UGT2A1: variants seen among roughly 807,000 people sequenced by gnomAD.
The protein encoded by UGT2A1 is UDP glucuronosyltransferase family 2 member A1 complex locus, also known as UDP-glucuronosyltransferase 2A1.
Under a neutral mutation model 45.4 loss-of-function variants are expected in UGT2A1, and 61 were observed. The ratio of observed to expected loss-of-function variants is 1.34; its 90% CI spans 1.09 to 1.66. The LOEUF is 1.66. Ranked by LOEUF, UGT2A1 falls within the 40% of genes most tolerant of loss-of-function variation. The pLI is 0.00. For missense variants in UGT2A1, 649 were observed against 574.3 expected (o/e 1.13, Z -1.33); for synonymous variants, 229 against 196.2 (o/e 1.17, Z -1.40).
intron 2 of UGT2A1, among the ~76,000 whole-genome samples, chr4:69,640,059 C>T (rs934773055): frequency 1.3e-5 from 2 of 151,878 alleles, no homozygotes; most frequent in Non-Finnish European, 2.9e-5. Flanking sequence ...TCCATAAAGC[C>T]AACTGATTGT....
chr4:69,627,510 AAAGAAAGAAAG>A (rs1721135356), intron 3 of UGT2A1, among the ~76,000 whole-genome samples: 1 of 149,140 alleles, frequency 6.7e-6, no homozygotes, highest in Non-Finnish European at 1.5e-5. Flanking sequence ...GAAGGAAGGA[AAAGAAAGAAAG>A]AAGAAAGAAA....
chr4:69,639,098 C>A lies in UGT2A1; in HGVS notation c.716-3276G>T. The A allele has an allele frequency of 6.2e-7, 1 of 1,613,386 alleles. No individual in the cohort carries two copies. Among genetic ancestry groups the A allele is most frequent in the Non-Finnish European group, 8.5e-7 (1 of 1,179,668 alleles). Reference sequence around the variant, plus strand: ...TCTCCACTGTTGATGCTGGAGAGAACCTCAATGTGTACATAAATGGAATTC... The same window carrying A: ...TCTCCACTGTTGATGCTGGAGAGAAACTCAATGTGTACATAAATGGAATTC... On this transcript the variant is annotated intron_variant, in intron 2 of 6. Coordinates refer to ENST00000286604, the MANE Select transcript of UGT2A1 (RefSeq NM_001252275.3).
chr4:69,648,170 T>G lies in UGT2A1; in HGVS notation c.-54-472A>C, dbSNP rs181330621. On this transcript the variant is annotated intron_variant, in intron 1 of 6. Transcript: ENST00000286604. ...CAATATATAAGATTGTCAAATAATA[T>G]GTATAAATATATTACTATAAATATT... Among the ~76,000 whole-genome samples, 276 of 150,090 alleles carry G rather than the reference T, an allele frequency of 1.8e-3. 1 individual carries two copies. The highest frequency in any genetic ancestry group is 6.4e-3 in the African/African-American group (264 of 41,194).
At chr4:69,596,272 G>T in intron 4 of UGT2A1, 1 of 1,604,642 alleles carries the variant, frequency 6.2e-7, no homozygotes. Flanking sequence ...CTGGGCAAGG[G>T]CTGAGGCAAT....
intron 3 of UGT2A1, among the ~76,000 whole-genome samples, chr4:69,609,005 TAA>T (rs1719858860): frequency 6.6e-6 from 1 of 152,026 alleles, no homozygotes; most frequent in African/African-American, 2.4e-5. Flanking sequence ...AGAAAAATTA[TAA>T]AGAGTATGAT....
At chr4:69,617,143 A>G (rs1025554194) in intron 3 of UGT2A1, among the ~76,000 whole-genome samples, 25 of 151,892 alleles carry the variant, frequency 1.6e-4, no homozygotes, top group African/African-American at 5.3e-4. Context: ...ACAATAAACT[A>G]TGTGTAAAAG....
intron 3 of UGT2A1, among the ~76,000 whole-genome samples, chr4:69,605,235 A>T (rs922760477): frequency 7.3e-6 from 1 of 137,018 alleles, no homozygotes; most frequent in African/African-American, 3.0e-5. Flanking sequence ...CAGACCACAG[A>T]GCAATCAAAT....
intron 2 of UGT2A1, chr4:69,639,569 A>C (rs1233413714): frequency 7.4e-6 from 12 of 1,610,928 alleles, no homozygotes; most frequent in Non-Finnish European, 8.5e-6. Context: ...GAACAACTTC[A>C]GTCAGAGTCA....
intron 6 of UGT2A1, among the ~76,000 whole-genome samples, chr4:69,590,665 G>T (rs200140439): frequency 1.3e-5 from 2 of 149,640 alleles, no homozygotes; most frequent in Non-Finnish European, 3.0e-5. Context: ...GTGTGTTTGT[G>T]TGTCTGTCTG....
rs1167597077 is a variant in UGT2A1, at chr4:69,589,511, G to A, written c.1445C>T (p.Thr482Ile). 3 of 1,614,086 alleles carry A rather than the reference G, an allele frequency of 1.9e-6. No homozygotes were observed. The highest frequency in any genetic ancestry group is 1.7e-6 in the Non-Finnish European group (2 of 1,180,008). The change falls in exon 7 of 7, where the codon ACC (threonine) becomes ATC (isoleucine). Residue 482 changes from threonine (T) to isoleucine (I), a missense_variant. Physicochemically the swap from Thr to Ile is moderately conservative, Grantham distance 89. Transcript: ENST00000286604. ...ATCCAAAGAGTGGTACTGGAACCAG[G>A]TGAGGTCATGGGCTGCAACCCGAAG... ...KHLRVAAHDLTWFQYHSLDVI... is the reference protein window; with the variant it reads ...KHLRVAAHDLIWFQYHSLDVI...
chr4:69,589,284 T>C lies in UGT2A1; in HGVS notation c.*88A>G. The C allele has an allele frequency of 7.1e-7, 1 of 1,404,438 alleles. No individual in the cohort carries two copies. The highest frequency in any genetic ancestry group is 9.3e-7 in the Non-Finnish European group (1 of 1,070,082). The allele number at this position is 1,404,438 out of a possible 1,614,324, so 87.0% of individuals were successfully genotyped here. ...AACAGGATGGGAGACGTGTTTTTGT[T>C]AAACTCCTTTTGTCTGGAATTAATA... On this transcript the variant is annotated 3_prime_UTR_variant, in exon 7 of 7. Transcript: ENST00000286604.
intron 2 of UGT2A1, chr4:69,638,962 GA>G: frequency 6.2e-7 from 1 of 1,612,914 alleles, no homozygotes; most frequent in Non-Finnish European, 8.5e-7. Flanking sequence ...TAGTCTTGCA[GA>G]GAATAAGATA....
chr4:69,591,380 T>A (rs529394535), intron 6 of UGT2A1, among the ~76,000 whole-genome samples: 1 of 152,264 alleles, frequency 6.6e-6, no homozygotes, highest in Admixed American at 6.5e-5. Context: ...ATAGGTAAAT[T>A]TAAACATATT....
rs1436579298 is a variant in UGT2A1, at chr4:69,599,336, T to C, written c.906A>G (p.Thr302=). 7 of 1,613,796 alleles carry C rather than the reference T, an allele frequency of 4.3e-6. No homozygotes were observed. Among genetic ancestry groups the C allele is most frequent in the Non-Finnish European group, 5.9e-6 (7 of 1,179,904 alleles). ...MGKAEIWLIR[T]YWDFEFPRPY... The stretch of plus-strand genomic sequence containing the variant: ...GACGAGGAAATTCAAAATCCCAATA[T>C]GTTCGGATTAACCAAATTTCAGCTT... Residue 302 remains threonine (T), a synonymous_variant, in exon 4 of 7, where the codon ACA becomes ACG. Coordinates refer to ENST00000286604, the MANE Select transcript of UGT2A1 (RefSeq NM_001252275.3).
chr4:69,612,581 C>A (rs1474955768), intron 3 of UGT2A1, among the ~76,000 whole-genome samples: 1 of 151,816 alleles, frequency 6.6e-6, no homozygotes, highest in African/African-American at 2.4e-5. Context: ...TAAAGCCACA[C>A]AAAACCATTT....
chr4:69,652,119 G>T (rs1278508798), intron 1 of UGT2A1, among the ~76,000 whole-genome samples: 1 of 152,076 alleles, frequency 6.6e-6, no homozygotes, highest in African/African-American at 2.4e-5. Flanking sequence ...TTCTGAGGAG[G>T]CAAGAATTGA....
In UGT2A1 at chr4:69,627,535, A is replaced by G. The variant is rs967619245; in HGVS notation, c.847+8156T>C. On this transcript the variant is annotated intron_variant, in intron 3 of 6. Transcript: ENST00000286604. Reference sequence around the variant, plus strand: ...AAAGAAAGAAAGAAGAAAGAAAGAAAGAGAGAGAGAGAAAGAGAGAGAGAG... The same window carrying G: ...AAAGAAAGAAAGAAGAAAGAAAGAAGGAGAGAGAGAGAAAGAGAGAGAGAG... 8.6e-4 allele frequency among the ~76,000 whole-genome samples: 55 copies of G among 64,208 alleles called. 1 individual carries two copies. The highest frequency in any genetic ancestry group is 1.7e-3 in the Non-Finnish European group (48 of 28,576). The allele number at this position is 64,208 out of a possible 152,430, so 42.1% of individuals were successfully genotyped here.
intron 3 of UGT2A1, among the ~76,000 whole-genome samples, chr4:69,604,510 A>T (rs1719483785): frequency 7.3e-6 from 1 of 136,854 alleles, no homozygotes; most frequent in Admixed American, 7.2e-5. Context: ...AAACTGCATC[A>T]ACTAATGAGC....
intron 3 of UGT2A1, among the ~76,000 whole-genome samples, chr4:69,609,304 A>T (rs1719887162): frequency 6.6e-6 from 1 of 151,828 alleles, no homozygotes; most frequent in South Asian, 2.1e-4. Context: ...GGTGCACAAC[A>T]CCAAACCTAG....
Sources: gnomAD v4.1 joint callset for allele counts (sites outside exome capture counted in the v4.1 genomes callset) on GRCh38, gnomAD v4.1.1 for gene constraint, MANE v1.5 for transcripts, NCBI Gene and HGNC (gene_info 2026-07-23, HGNC 2026-07-21) for gene names.